Variants in FBF1 observed in about 807,000 individuals in gnomAD.
FBF1 encodes fas-binding factor 1.
FBF1 carries 119 observed loss-of-function variants against 147.2 expected under a neutral mutation model. The ratio of observed to expected loss-of-function variants is 0.81; its 90% confidence interval spans 0.70 to 0.94. FBF1 has a LOEUF of 0.94. Among genes scored for constraint, FBF1 ranks in the 40% least tolerant of loss-of-function variants. FBF1 has a pLI of 0.00. For synonymous variants in FBF1, 601 were observed against 609.0 expected (o/e 0.99, Z 0.19); for missense variants, 1,449 against 1,500.8 (o/e 0.97, Z 0.57).
Position 75,918,402 on chromosome 17 carries a change from TC to T in FBF1, c.2139-134del. 1 of 657,454 alleles carries T rather than the reference TC, an allele frequency of 1.5e-6. No homozygotes were observed. The highest frequency in any genetic ancestry group is 2.6e-6 in the Non-Finnish European group (1 of 386,104). The allele number at this position is 657,454 out of a possible 1,614,324, so 40.7% of individuals were successfully genotyped here. The stretch of plus-strand genomic sequence containing the variant: ...TCCTCCGCCGGGCACTGCCTCAGTT[TC>T]CCCAGCTCCTCTGTCTTATCTGTCA... On this transcript the variant is annotated intron_variant, in intron 20 of 29. Transcript: ENST00000636174. This position sits in a 1 kb window ranked among gnomAD's most constrained non-coding sequence, Gnocchi z 5.8.
intron 9 of FBF1, 100 bp downstream of exon 9, chr17:75,927,355 G>T (rs1305944134): frequency 1.0e-6 from 1 of 957,848 alleles, no homozygotes; most frequent in Non-Finnish European, 1.6e-6. Flanking sequence ...TGGCACCCAT[G>T]TGACATAGGC....
chr17:75,932,401 T>C (rs1438658043), intron 5 of FBF1, among the ~76,000 whole-genome samples: 1 of 151,354 alleles, frequency 6.6e-6, no homozygotes, highest in Non-Finnish European at 1.5e-5. Context: ...TAAAAATAAA[T>C]AAATAAATAA....
At chr17:75,929,945 A>ACT in intron 7 of FBF1, 52 bp downstream of exon 7, 4 of 650,912 alleles carry the variant, frequency 6.1e-6, no homozygotes, top group South Asian at 3.2e-5. Context: ...AAATATCATG[A>ACT]CCCCACCCCA....
At chr17:75,912,476 C>G (rs537050337) in intron 28 of FBF1, among the ~76,000 whole-genome samples, 169 bp from the exon 29 acceptor site, 1 of 152,364 alleles carries the variant, frequency 6.6e-6, no homozygotes, top group South Asian at 2.1e-4. Flanking sequence ...CATACCTGCT[C>G]CTACCTGGAA....
rs916253362 is a variant in FBF1 at position 75,922,149 on chromosome 17, C to G, written c.1425-103G>C. The G allele has an allele frequency of 1.1e-6, 1 of 931,576 alleles. No individual in the cohort carries two copies. Among genetic ancestry groups the G allele is most frequent in the Non-Finnish European group, 1.6e-6 (1 of 612,362 alleles). The allele number at this position is 931,576 out of a possible 1,614,324, so 57.7% of individuals were successfully genotyped here. A position where few individuals can be genotyped will look rare whatever the true frequency, so the allele number is the denominator to read the frequency against. On this transcript the variant is annotated intron_variant, in intron 14 of 29. Transcript: ENST00000636174. This position sits in a 1 kb window ranked among gnomAD's most constrained non-coding sequence, Gnocchi z 5.0. ...CTTCACACGTGAAGCTCGTGGCCCC[C>G]CTTCCTCCTGCTTCCACCATCCCGT...
At chr17:75,911,326 T>C (rs1018177087) in intron 29 of FBF1, among the ~76,000 whole-genome samples, 3 of 152,188 alleles carry the variant, frequency 2.0e-5, no homozygotes, top group African/African-American at 7.2e-5. Flanking sequence ...AAATGCTCCA[T>C]AATGACAACT....
Position 75,910,068 on chromosome 17 carries a change from G to C in FBF1, c.*655C>G, listed in dbSNP as rs1328680942. On this transcript the variant is annotated 3_prime_UTR_variant, in exon 30 of 30. Coordinates refer to ENST00000636174, the MANE Select transcript of FBF1 (RefSeq NM_001319193.2). This position sits in a 1 kb window ranked among gnomAD's most constrained non-coding sequence, Gnocchi z 4.1. The stretch of plus-strand genomic sequence containing the variant: ...TCCGCCGCCGGTGGGGCACCCAGAT[G>C]GGGAGGAAGCTGAGGAGGCCACTGT... 1 of 621,948 alleles carries C rather than the reference G, an allele frequency of 1.6e-6. No individual in the cohort carries two copies. Among genetic ancestry groups the C allele is most frequent in the African/African-American group, 1.8e-5 (1 of 55,650 alleles). The allele number at this position is 621,948 out of a possible 1,614,324, so 38.5% of individuals were successfully genotyped here. A position where few individuals can be genotyped will look rare whatever the true frequency, so the allele number is the denominator to read the frequency against.
Position 75,928,070 on chromosome 17 carries a change from A to T in FBF1, c.397+6T>A, listed in dbSNP as rs2065573088. ...CATGCACCTTTCTCACTGGCTACTG[A>T]CCCACCTGCAGGCTTGGGGTGGTTG... On this transcript the variant is annotated splice_donor_region_variant and intron_variant, in intron 8 of 29. Coordinates refer to ENST00000636174, the MANE Select transcript of FBF1 (RefSeq NM_001319193.2). This position sits in a 1 kb window ranked among gnomAD's most constrained non-coding sequence, Gnocchi z 4.2. 1 of 1,612,028 alleles carries T rather than the reference A, an allele frequency of 6.2e-7. No individual in the cohort carries two copies.
chr17:75,932,326 G>A (rs531185629), intron 5 of FBF1, among the ~76,000 whole-genome samples: 15 of 151,942 alleles, frequency 9.9e-5, no homozygotes, highest in Admixed American at 5.9e-4. Flanking sequence ...AGAGTGAGCC[G>A]ATCGCACCAC....
chr17:75,921,631 C>A (rs1401230574), intron 15 of FBF1, 71 bp from the exon 16 acceptor site: 10 of 1,131,942 alleles, frequency 8.8e-6, no homozygotes, highest in Non-Finnish European at 1.3e-5. Flanking sequence ...GGGTGGGCAG[C>A]CTCTAGGTGG....
chr17:75,932,959 G>C (rs371430886), intron 5 of FBF1, 36 bp downstream of exon 5: 7 of 1,456,288 alleles, frequency 4.8e-6, no homozygotes, highest in Admixed American at 3.5e-5. Context: ...TTAGACTGAA[G>C]TAGGTCATGG....
In FBF1 at chr17:75,919,634, G is replaced by A; in HGVS notation, c.2138+34C>T. ...GCTCTCTTCCGGCTACTCCTTGCAA[G>A]CCTGCTCCCCAGCTGCCTGTCCCTG... On this transcript the variant is annotated intron_variant, in intron 20 of 29. Transcript: ENST00000636174. The surrounding 1 kb of genome is among the most constrained non-coding windows in gnomAD (Gnocchi z 5.0). 1.9e-6 allele frequency: 3 copies of A among 1,561,628 alleles called. No homozygotes were observed. Among genetic ancestry groups the A allele is most frequent in the Non-Finnish European group, 2.6e-6 (3 of 1,155,998 alleles).
At chr17:75,931,140 A>ACCCTTCCGTGGGCAGCCCCC in intron 6 of FBF1, 89 bp downstream of exon 6, 1 of 1,386,338 alleles carries the variant, frequency 7.2e-7, no homozygotes, top group Non-Finnish European at 1.0e-6. Flanking sequence ...GGACTTCTAA[A>ACCCTTCCGTGGGCAGCCCCC]CCCTTCCGTG....
chr17:75,917,669 G>C, intron 23 of FBF1, 63 bp downstream of exon 23: 1 of 1,429,098 alleles, frequency 7.0e-7, no homozygotes, highest in Non-Finnish European at 9.5e-7. Flanking sequence ...CTACACTTGC[G>C]GGTGCCCTGG....
chr17:75,931,986 A>C (rs1397248372), intron 5 of FBF1, among the ~76,000 whole-genome samples: 2 of 152,188 alleles, frequency 1.3e-5, no homozygotes, highest in East Asian at 3.8e-4. Context: ...AGAAGTTCAG[A>C]AACTGCCCAA....
chr17:75,912,679 C>T (rs766405708), intron 28 of FBF1, among the ~76,000 whole-genome samples: 29 of 152,206 alleles, frequency 1.9e-4, no homozygotes, highest in Admixed American at 3.9e-4. Context: ...ACCTGTTCCA[C>T]GTGTACATTA....
chr17:75,919,620 G>C lies in FBF1; in HGVS notation c.2138+48C>G. The C allele has an allele frequency of 1.3e-6, 2 of 1,545,930 alleles. No individual in the cohort carries two copies. Among genetic ancestry groups the C allele is most frequent in the Non-Finnish European group, 1.7e-6 (2 of 1,147,064 alleles). ...GTCTCGTGGGGATGGCTCTCTTCCG[G>C]CTACTCCTTGCAAGCCTGCTCCCCA... On this transcript the variant is annotated intron_variant, in intron 20 of 29. Transcript: ENST00000636174. This position sits in a 1 kb window ranked among gnomAD's most constrained non-coding sequence, Gnocchi z 5.0.
intron 3 of FBF1, 63 bp from the exon 4 acceptor site, chr17:75,935,736 A>C: frequency 6.8e-7 from 1 of 1,474,446 alleles, no homozygotes; most frequent in Non-Finnish European, 9.1e-7. Flanking sequence ...TATAAACATC[A>C]AGGCTTGAGA....
Position 75,922,094 on chromosome 17 carries a change from A to G in FBF1, c.1425-48T>C. 6.6e-7 allele frequency: 1 copy of G among 1,505,788 alleles called. No homozygotes were observed. 93.3% of individuals were successfully genotyped at this position (1,505,788 alleles called of 1,614,324 possible). A position where few individuals can be genotyped will look rare whatever the true frequency, so the allele number is the denominator to read the frequency against. ...GTGAAGGTGACAGAAGGCCCAGGTC[A>G]GGCTGGATGAAGACAGGGCCCAGGA... On this transcript the variant is annotated intron_variant, in intron 14 of 29. Transcript: ENST00000636174. The surrounding 1 kb of genome is among the most constrained non-coding windows in gnomAD (Gnocchi z 5.0).
Sources: gnomAD v4.1 joint callset for allele counts (sites outside exome capture counted in the v4.1 genomes callset) on GRCh38, gnomAD v4.1.1 for gene constraint, Gnocchi (gnomAD v3.1) non-coding constraint, MANE v1.5 for transcripts, NCBI Gene and HGNC (gene_info 2026-07-23, HGNC 2026-07-21) for gene names.